DYRK4: variants seen among roughly 807,000 people sequenced by gnomAD.
DYRK4 encodes the protein dual specificity tyrosine-phosphorylation-regulated kinase 4.
A neutral mutation model predicts 68.3 loss-of-function variants in DYRK4; 64 were observed. That is an observed-to-expected ratio of 0.94 (90% CI 0.77 to 1.15). The LOEUF (loss-of-function observed/expected upper bound fraction) is 1.15, where lower values mean the gene tolerates loss of function less well. Ranked by LOEUF, DYRK4 falls within the 50% of genes most tolerant of loss-of-function variation. DYRK4 has a pLI of 0.00. For synonymous variants in DYRK4, 274 were observed against 289.9 expected (o/e 0.95, Z 0.56); for missense variants, 740 against 764.7 (o/e 0.97, Z 0.38).
intron 1 of DYRK4, among the ~76,000 whole-genome samples, chr12:4,564,075 G>T (rs1313978856): frequency 6.6e-6 from 1 of 152,176 alleles, no homozygotes; most frequent in Non-Finnish European, 1.5e-5. Context: ...GCTCTTTAGA[G>T]TCTGGGAGTC....
chr12:4,588,506 C>T (rs375139902), intron 2 of DYRK4, among the ~76,000 whole-genome samples: 1 of 152,204 alleles, frequency 6.6e-6, no homozygotes, highest in Non-Finnish European at 1.5e-5. Flanking sequence ...AGGCTGGGTG[C>T]CTGTGTTCCA....
chr12:4,595,786 T>C (rs893851455), intron 6 of DYRK4, among the ~76,000 whole-genome samples: 6 of 152,244 alleles, frequency 3.9e-5, no homozygotes, highest in African/African-American at 1.4e-4. Context: ...AGGGCCGCTT[T>C]TTCCAACCCT....
At chr12:4,588,472 C>A (rs1944919805) in intron 2 of DYRK4, among the ~76,000 whole-genome samples, 1 of 152,194 alleles carries the variant, frequency 6.6e-6, no homozygotes, top group Non-Finnish European at 1.5e-5. Flanking sequence ...CGTGAAGTCT[C>A]TTCTGATCAG....
intron 2 of DYRK4, among the ~76,000 whole-genome samples, chr12:4,574,077 T>C (rs1394131617): frequency 6.6e-6 from 1 of 151,866 alleles, no homozygotes; most frequent in Non-Finnish European, 1.5e-5. Context: ...TACAAAAAAT[T>C]AGCCGTGCGT....
At chr12:4,600,607 A>G (rs74060058) in intron 10 of DYRK4, among the ~76,000 whole-genome samples, 6,242 of 149,344 alleles carry the variant, frequency 0.042, 167 homozygotes, top group African/African-American at 0.078. Flanking sequence ...TGGTGGATCA[A>G]TTTTTTTTCA....
chr12:4,613,571 C>A lies in DYRK4; in HGVS notation c.1723C>A (p.Gln575Lys). ...KTKDSPTKHV[Q>K]HSGDQQDCLQ... ...AAAAGATAGCCCCACGAAGCATGTT[C>A]AGCATTCAGGTGATCAGCAGGACTG... Residue 575 changes from glutamine (Q) to lysine (K), a missense_variant, in exon 15 of 15, where the codon CAG becomes AAG. By Grantham distance (53) the Gln-to-Lys change is moderately conservative (BLOSUM62 1). Around this residue, in one of 3 missense-constraint regions of DYRK4, gnomAD observed 614 missense variants for 603.7 expected, o/e 1.02. Transcript: ENST00000543431. The surrounding 1 kb of genome is among the most constrained non-coding windows in gnomAD (Gnocchi z 4.0). 1 of 1,614,094 alleles carries A rather than the reference C, an allele frequency of 6.2e-7. No homozygotes were observed. Among genetic ancestry groups the A allele is most frequent in the South Asian group, 1.1e-5 (1 of 91,084 alleles).
rs772939090 is a variant in DYRK4 at position 4,605,108 on chromosome 12, G to C, written c.1299+22G>C. On this transcript the variant is annotated intron_variant, in intron 11 of 14. Transcript: ENST00000543431. Reference sequence around the variant, plus strand: ...GGAGGTACGCGGAGGGCTGGCGGTCGGCTCCCACGGAGACCGTGGGCTTGG... The same window carrying C: ...GGAGGTACGCGGAGGGCTGGCGGTCCGCTCCCACGGAGACCGTGGGCTTGG... The C allele has an allele frequency of 6.2e-6, 10 of 1,604,906 alleles. No homozygotes were observed. The African/African-American group carries it at 1.3e-4, about 21-fold the overall frequency.
intron 13 of DYRK4, 78 bp downstream of exon 13, chr12:4,610,362 C>CT: frequency 7.3e-7 from 1 of 1,374,248 alleles, no homozygotes; most frequent in Admixed American, 2.7e-5. Flanking sequence ...TGGTGAAAGA[C>CT]TAAGGCTGGG....
Position 4,562,288 on chromosome 12 carries a change from G to T in DYRK4, c.38+5G>T, listed in dbSNP as rs974288296. The T allele has an allele frequency of 8.5e-6, 13 of 1,531,778 alleles. No homozygotes were observed. In the African/African-American group the frequency reaches 1.8e-4, roughly 21 times the overall value. 94.9% of individuals were successfully genotyped at this position (1,531,778 alleles called of 1,614,324 possible). On this transcript the variant is annotated splice_donor_5th_base_variant and intron_variant, in intron 1 of 14. Transcript: ENST00000543431. The stretch of plus-strand genomic sequence containing the variant: ...GCCTATCCGCACCGGAACAAAGTAA[G>T]GGCCGCGGAGGCTCGTACTTCACGA...
At chr12:4,578,798 T>G (rs1009967847) in intron 2 of DYRK4, among the ~76,000 whole-genome samples, 1 of 152,172 alleles carries the variant, frequency 6.6e-6, no homozygotes, top group Admixed American at 6.5e-5. Flanking sequence ...GGAATGCCAG[T>G]CAAAATCTGT....
rs1319745117 is a variant in DYRK4 at position 4,607,310 on chromosome 12, G to A, written c.1300-17G>A. On this transcript the variant is annotated splice_polypyrimidine_tract_variant and intron_variant, in intron 11 of 14. Transcript: ENST00000543431. ...TGCTCCCACAAAGAATGAACCAATT[G>A]AATTATCCTTATTAAGGTGCTGGGT... The A allele has an allele frequency of 6.2e-7, 1 of 1,614,126 alleles. No individual in the cohort carries two copies. Among genetic ancestry groups the A allele is most frequent in the South Asian group, 1.1e-5 (1 of 91,056 alleles).
At chr12:4,605,179 G>T (rs772957242) in intron 11 of DYRK4, 93 bp downstream of exon 11, 5 of 1,154,704 alleles carry the variant, frequency 4.3e-6, no homozygotes, top group Non-Finnish European at 6.1e-6. Flanking sequence ...ACCATGGCCT[G>T]CATACCTTGT....
chr12:4,564,633 T>G (rs1944659034), intron 1 of DYRK4: 1 of 152,250 alleles, frequency 6.6e-6, no homozygotes, highest in Non-Finnish European at 1.5e-5. Context: ...ACCTTGAGTC[T>G]TCGAACTCCT....
intron 12 of DYRK4, chr12:4,609,893 G>A (rs1488353328): frequency 4.0e-6 from 1 of 248,172 alleles, no homozygotes; most frequent in Non-Finnish European, 7.6e-6. Context: ...CTTTGATTTG[G>A]AGAGGAGGCA....
chr12:4,587,850 G>C (rs1017709351), intron 2 of DYRK4, among the ~76,000 whole-genome samples: 2 of 152,188 alleles, frequency 1.3e-5, no homozygotes, highest in African/African-American at 2.4e-5. Flanking sequence ...ACAGAAGTGG[G>C]TCTGATACCA....
intron 2 of DYRK4, among the ~76,000 whole-genome samples, chr12:4,570,704 T>G (rs562385572): frequency 2.8e-4 from 43 of 152,248 alleles, no homozygotes; most frequent in Non-Finnish European, 4.1e-4. Flanking sequence ...TTTCACAATA[T>G]TTAAAATTAT....
intron 8 of DYRK4, among the ~76,000 whole-genome samples, chr12:4,598,206 T>C (rs1019819726): frequency 2.6e-5 from 4 of 152,068 alleles, no homozygotes; most frequent in African/African-American, 9.7e-5. Context: ...CAAGACCCCA[T>C]CTCTAAAAAA....
At chr12:4,610,825 T>G (rs1429759355) in intron 13 of DYRK4, among the ~76,000 whole-genome samples, 1 of 152,238 alleles carries the variant, frequency 6.6e-6, no homozygotes, top group Non-Finnish European at 1.5e-5. Context: ...ATAATCTATA[T>G]GCATATTTTG....
intron 13 of DYRK4, among the ~76,000 whole-genome samples, chr12:4,612,089 T>C (rs1004520430): frequency 2.0e-5 from 3 of 152,370 alleles, no homozygotes; most frequent in African/African-American, 7.2e-5. Context: ...ATTCTGCTAC[T>C]GTATTACAAG....
Sources: gnomAD v4.1 joint callset for allele counts (sites outside exome capture counted in the v4.1 genomes callset) on GRCh38, gnomAD v4.1.1 for gene constraint, gnomAD v4.1.1 regional missense constraint, Gnocchi (gnomAD v3.1) non-coding constraint, MANE v1.5 for transcripts, NCBI Gene and HGNC (gene_info 2026-07-23, HGNC 2026-07-21) for gene names.